The following TOP1 variants were observed in gnomAD, a reference collection of about 807,000 sequenced individuals.
TOP1 encodes the protein DNA topoisomerase I.
Under a neutral mutation model 111.1 loss-of-function variants are expected in TOP1, and 10 were observed. The ratio of observed to expected loss-of-function variants is 0.09; its 90% CI spans 0.06 to 0.15. The LOEUF is 0.15. Ranked by LOEUF, TOP1 falls within the 10% of genes least tolerant of loss-of-function variation. TOP1 has a pLI of 1.00. For missense variants in TOP1, 474 were observed against 926.7 expected (o/e 0.51, Z 6.34); for synonymous variants, 271 against 302.9 (o/e 0.89, Z 1.10).
In TOP1 at chr20:41,100,606, C is replaced by T. The variant is rs777792795; in HGVS notation, c.1163+363C>T. ...CTGAGGCACAACAGCAAAACTAGCACGACTTTCTTTTTCCTTCTTCACAAT... is the reference window on the plus strand; with the variant it reads ...CTGAGGCACAACAGCAAAACTAGCATGACTTTCTTTTTCCTTCTTCACAAT... On this transcript the variant is annotated intron_variant, in intron 12 of 20. Transcript: ENST00000361337. The surrounding 1 kb of genome is among the most constrained non-coding windows in gnomAD (Gnocchi z 4.4). The T allele has an allele frequency of 7.5e-5, 14 of 185,866 alleles. No homozygotes were observed. Among genetic ancestry groups the T allele is most frequent in the Admixed American group, 2.3e-4 (4 of 17,092 alleles). 11.5% of individuals were successfully genotyped at this position (185,866 alleles called of 1,614,324 possible). A position where few individuals can be genotyped will look rare whatever the true frequency, so the allele number is the denominator to read the frequency against.
rs2033993208 is a variant in TOP1 at position 41,097,176 on chromosome 20, C to A, written c.731-44C>A. The A allele has an allele frequency of 6.2e-7, 1 of 1,600,546 alleles. No individual in the cohort carries two copies. Among genetic ancestry groups the A allele is most frequent in the Non-Finnish European group, 8.5e-7 (1 of 1,175,794 alleles). ...TAGCCCTGGGTATTTATGCTTAGAA[C>A]ATGAATACTATACCTCACTTTTTGG... On this transcript the variant is annotated intron_variant, in intron 9 of 20. Coordinates refer to ENST00000361337, the MANE Select transcript of TOP1 (RefSeq NM_003286.4). The surrounding 1 kb of genome is among the most constrained non-coding windows in gnomAD (Gnocchi z 4.2).
Position 41,098,361 on chromosome 20 carries a change from C to T in TOP1, c.975+24C>T. 1.9e-6 allele frequency: 3 copies of T among 1,603,172 alleles called. No homozygotes were observed. Among genetic ancestry groups the T allele is most frequent in the Non-Finnish European group, 2.6e-6 (3 of 1,176,442 alleles). ...TGGTACTACAGAATTTATTAAACCT[C>T]TGGAGAATTCTGGAATTGTGATTGG... On this transcript the variant is annotated intron_variant, in intron 11 of 20. Coordinates refer to ENST00000361337, the MANE Select transcript of TOP1 (RefSeq NM_003286.4). This position sits in a 1 kb window ranked among gnomAD's most constrained non-coding sequence, Gnocchi z 5.7.
At chr20:41,091,633 T>C (rs1475585330) in intron 8 of TOP1, among the ~76,000 whole-genome samples, 1 of 139,100 alleles carries the variant, frequency 7.2e-6, no homozygotes, top group African/African-American at 2.7e-5. Flanking sequence ...CTTGGCTCAC[T>C]GCAACCTCTG....
chr20:41,073,338 C>T, intron 3 of TOP1: 5 of 980,270 alleles, frequency 5.1e-6, no homozygotes, highest in Non-Finnish European at 6.0e-6. Flanking sequence ...ATTCAGATTC[C>T]TGAATTAGCC....
At chr20:41,053,597 A>T (rs2033432259) in intron 2 of TOP1, among the ~76,000 whole-genome samples, 1 of 152,250 alleles carries the variant, frequency 6.6e-6, no homozygotes, top group Non-Finnish European at 1.5e-5. Context: ...CACATGCTTC[A>T]TTTGGAAAAT....
At chr20:41,054,817 A>C (rs2033449941) in intron 2 of TOP1, among the ~76,000 whole-genome samples, 1 of 152,232 alleles carries the variant, frequency 6.6e-6, no homozygotes, top group African/African-American at 2.4e-5. Context: ...AACAGTAGGA[A>C]AAGGATTTCT....
In TOP1 at chr20:41,046,793, A is replaced by G. The variant is rs751987402; in HGVS notation, c.59-14601A>G. ...CAGAGGTGGTTAGCATTTTGTGAAC[A>G]AGTATGATGTTGTTCCCACTTCAAG... On this transcript the variant is annotated intron_variant, in intron 2 of 20. Coordinates refer to ENST00000361337, the MANE Select transcript of TOP1 (RefSeq NM_003286.4). This position sits in a 1 kb window ranked among gnomAD's most constrained non-coding sequence, Gnocchi z 4.3. Among the ~76,000 whole-genome samples, 4 of 152,234 alleles carry G rather than the reference A, an allele frequency of 2.6e-5. No individual in the cohort carries two copies. Among genetic ancestry groups the G allele is most frequent in the Non-Finnish European group, 4.4e-5 (3 of 68,038 alleles).
Position 41,031,235 on chromosome 20 carries a change from GTTT to G in TOP1, c.58+1781_58+1783del, listed in dbSNP as rs1258063933. Among the ~76,000 whole-genome samples, 4 of 152,314 alleles carry G rather than the reference GTTT, an allele frequency of 2.6e-5. No homozygotes were observed. In the East Asian group the frequency reaches 5.8e-4, roughly 22 times the overall value. ...GTTTAGAAAGCCACAGTATAGACAT[GTTT>G]CTTTGGGATACAGGAGCAAAGAAAG... On this transcript the variant is annotated intron_variant, in intron 2 of 20. Coordinates refer to ENST00000361337, the MANE Select transcript of TOP1 (RefSeq NM_003286.4).
At chr20:41,068,070 TGTGTAAAAAGAGTTA>T (rs1264801164) in intron 3 of TOP1, among the ~76,000 whole-genome samples, 1 of 152,200 alleles carries the variant, frequency 6.6e-6, no homozygotes, top group Non-Finnish European at 1.5e-5. Context: ...AATACCTCCC[TGTGTAAAAAGAGTTA>T]GTTTTGTAGC....
Position 41,121,822 on chromosome 20 carries a change from G to T in TOP1, c.2045+32G>T, listed in dbSNP as rs763331636. 1 of 1,604,116 alleles carries T rather than the reference G, an allele frequency of 6.2e-7. No homozygotes were observed. The highest frequency in any genetic ancestry group is 8.5e-7 in the Non-Finnish European group (1 of 1,170,908). Reference sequence around the variant, plus strand: ...ACCTGGTATTGTGAAAGTTGGGGCTGGTAGAGAAAAGTGTGCAGCATCTGT... The same window carrying T: ...ACCTGGTATTGTGAAAGTTGGGGCTTGTAGAGAAAAGTGTGCAGCATCTGT... On this transcript the variant is annotated intron_variant, in intron 19 of 20. Coordinates refer to ENST00000361337, the MANE Select transcript of TOP1 (RefSeq NM_003286.4). This position sits in a 1 kb window ranked among gnomAD's most constrained non-coding sequence, Gnocchi z 4.2.
chr20:41,088,902 C>T (rs537739555), intron 8 of TOP1, among the ~76,000 whole-genome samples: 18 of 151,828 alleles, frequency 1.2e-4, no homozygotes, highest in African/African-American at 2.7e-4. Context: ...GTGTACAATT[C>T]GGTGGCATTA....
At chr20:41,074,196 T>A (rs536827698) in intron 3 of TOP1, among the ~76,000 whole-genome samples, 10 of 152,072 alleles carry the variant, frequency 6.6e-5, no homozygotes, top group Non-Finnish European at 1.2e-4. Flanking sequence ...TTTTTTTTTT[T>A]AAACAAAGTA....
intron 3 of TOP1, among the ~76,000 whole-genome samples, chr20:41,065,408 G>C (rs1286342605): frequency 6.6e-6 from 1 of 152,170 alleles, no homozygotes; most frequent in Non-Finnish European, 1.5e-5. Context: ...ACAATTGTGT[G>C]TGGTAAAATA....
rs2033104487 is a variant in TOP1, at chr20:41,030,466, A to G, written c.58+1011A>G. On this transcript the variant is annotated intron_variant, in intron 2 of 20. Coordinates refer to ENST00000361337, the MANE Select transcript of TOP1 (RefSeq NM_003286.4). The surrounding 1 kb of genome is among the most constrained non-coding windows in gnomAD (Gnocchi z 4.1). ...CACGAGCCACTGTTTTTCAGGAATC[A>G]AGAACTGGCTTTTTTTTTTTTTCCC... is the stretch of plus-strand genomic sequence containing the variant. Among the ~76,000 whole-genome samples the G allele has an allele frequency of 6.7e-6, 1 of 149,788 alleles. No individual in the cohort carries two copies. Among genetic ancestry groups the G allele is most frequent in the Non-Finnish European group, 1.5e-5 (1 of 67,724 alleles).
intron 2 of TOP1, among the ~76,000 whole-genome samples, chr20:41,038,859 A>G (rs1249273482): frequency 6.6e-6 from 1 of 152,186 alleles, no homozygotes; most frequent in Non-Finnish European, 1.5e-5. Flanking sequence ...GTGTTGGTGC[A>G]TGCCTGTAGT....
intron 8 of TOP1, among the ~76,000 whole-genome samples, chr20:41,088,185 C>T (rs1428860262): frequency 6.6e-6 from 1 of 151,998 alleles, no homozygotes; most frequent in Non-Finnish European, 1.5e-5. Flanking sequence ...GTCGTAAAAA[C>T]AGTTTGGAGT....
intron 2 of TOP1, among the ~76,000 whole-genome samples, chr20:41,045,396 G>T (rs1020028085): frequency 7.2e-5 from 11 of 152,110 alleles, no homozygotes; most frequent in South Asian, 2.1e-4. Context: ...TAAGTCCTAA[G>T]AGGACTTACA....
intron 3 of TOP1, chr20:41,073,529 A>T: frequency 1.0e-6 from 1 of 962,252 alleles, no homozygotes; most frequent in South Asian, 4.8e-5. Flanking sequence ...CAGACTCACC[A>T]TGGCTGTTTC....
intron 18 of TOP1, among the ~76,000 whole-genome samples, chr20:41,119,457 A>C (rs754571197): frequency 8.5e-5 from 13 of 152,244 alleles, no homozygotes; most frequent in Non-Finnish European, 1.6e-4. Context: ...TGTATTAAAA[A>C]TTTAAAAATA....
Sources: gnomAD v4.1 joint callset for allele counts (sites outside exome capture counted in the v4.1 genomes callset) on GRCh38, gnomAD v4.1.1 for gene constraint, Gnocchi (gnomAD v3.1) non-coding constraint, MANE v1.5 for transcripts, NCBI Gene and HGNC (gene_info 2026-07-23, HGNC 2026-07-21) for gene names.